The following CES5A variants were observed in gnomAD, a reference collection of about 807,000 sequenced individuals.
The protein encoded by CES5A is carboxylesterase 5A.
A neutral mutation model predicts 62.9 loss-of-function variants in CES5A; 67 were observed. The observed-to-expected ratio is 1.07, with a 90% CI of 0.88 to 1.31. The LOEUF is 1.31. Among genes scored for constraint, CES5A ranks in the 50% most tolerant of loss-of-function variants. The probability of loss-of-function intolerance (pLI) is 0.00; values close to 1 mark genes in which losing one functional copy is unlikely to be tolerated. For synonymous variants in CES5A, 296 were observed against 280.8 expected (o/e 1.05, Z -0.54); for missense variants, 748 against 708.5 (o/e 1.06, Z -0.63).
intron 1 of CES5A, among the ~76,000 whole-genome samples, chr16:55,885,556 T>G (rs546229674): frequency 2.6e-5 from 4 of 152,242 alleles, no homozygotes; most frequent in African/African-American, 9.6e-5. Context: ...TAGGCTACCA[T>G]GAAGACTAAA....
intron 1 of CES5A, among the ~76,000 whole-genome samples, chr16:55,952,987 A>G (rs1477315592): frequency 1.3e-5 from 2 of 152,186 alleles, no homozygotes; most frequent in Non-Finnish European, 2.9e-5. Flanking sequence ...ATTGTTTATG[A>G]GCAAAGATAC....
chr16:55,873,353 C>T (rs550642939), intron 2 of CES5A, among the ~76,000 whole-genome samples: 20 of 152,190 alleles, frequency 1.3e-4, no homozygotes, highest in Admixed American at 3.9e-4. Flanking sequence ...CATCAGGCAC[C>T]GTTTTGACAG....
Position 55,865,898 on chromosome 16 carries a change from A to G in CES5A, c.705+65T>C, listed in dbSNP as rs539442435. 9.1e-6 allele frequency: 14 copies of G among 1,544,144 alleles called. No homozygotes were observed. In the African/African-American group the frequency reaches 1.6e-4, roughly 18 times the overall value. On this transcript the variant is annotated intron_variant, in intron 5 of 12. Transcript: ENST00000290567. ...TGAAGGCAACAATCAAATGTTAGTG[A>G]CTCATCATCATTTTTGGAACCTCCG...
chr16:55,946,871 A>T (rs1463653082), intron 2 of CES5A, among the ~76,000 whole-genome samples: 2 of 152,194 alleles, frequency 1.3e-5, no homozygotes, highest in African/African-American at 4.8e-5. Context: ...GTTAGCCAAG[A>T]CGTGTTTCTC....
rs1235939265 is a variant in CES5A at position 55,846,396 on chromosome 16, T to A, written c.*55A>T. ...CTGAGCTCAGAAAGAAGCTAATGATTGCGGGAGAAATTATGGGAGGAGAAG... is the reference window on the plus strand; with the variant it reads ...CTGAGCTCAGAAAGAAGCTAATGATAGCGGGAGAAATTATGGGAGGAGAAG... On this transcript the variant is annotated 3_prime_UTR_variant, in exon 13 of 13. Coordinates refer to ENST00000290567, the MANE Select transcript of CES5A (RefSeq NM_001143685.2). 3.7e-6 allele frequency: 5 copies of A among 1,364,636 alleles called. No homozygotes were observed. In the African/African-American group the frequency reaches 7.3e-5, roughly 20 times the overall value. 84.5% of individuals were successfully genotyped at this position (1,364,636 alleles called of 1,614,324 possible). A position where few individuals can be genotyped will look rare whatever the true frequency, so the allele number is the denominator to read the frequency against.
At chr16:55,852,054 A>G (rs1420213) in intron 10 of CES5A, among the ~76,000 whole-genome samples, 107,355 of 151,456 alleles carry the variant, frequency 0.71, 38,105 homozygotes, top group East Asian at 0.77. Flanking sequence ...GGGGGAAGGA[A>G]GGGTGGGGAG....
At chr16:55,866,639 A>G (rs7500974) in intron 4 of CES5A, among the ~76,000 whole-genome samples, 50,729 of 138,540 alleles carry the variant, frequency 0.37, 11,753 homozygotes, top group African/African-American at 0.65. Flanking sequence ...TGACTAATAT[A>G]GTGAAACTCT....
intron 2 of CES5A, 109 bp from the exon 3 acceptor site, chr16:55,871,872 C>G: frequency 8.9e-7 from 1 of 1,124,670 alleles, no homozygotes; most frequent in Non-Finnish European, 1.3e-6. Flanking sequence ...TCTGCCTGAG[C>G]AGAAGAGGCA....
chr16:55,938,323 C>T (rs1424088725), intron 2 of CES5A, among the ~76,000 whole-genome samples: 2 of 152,268 alleles, frequency 1.3e-5, no homozygotes, highest in Middle Eastern at 3.4e-3. Context: ...GCCCATTTTT[C>T]ATGCTGAGAT....
chr16:55,930,881 C>T (rs1567359004), intron 2 of CES5A, among the ~76,000 whole-genome samples: 1 of 151,934 alleles, frequency 6.6e-6, no homozygotes, highest in African/African-American at 2.4e-5. Context: ...GGAGGAGATG[C>T]ATAAGAGCCA....
chr16:55,847,254 C>G (rs2071313354), intron 11 of CES5A, among the ~76,000 whole-genome samples: 1 of 150,488 alleles, frequency 6.6e-6, no homozygotes. Context: ...CTCTCTCTCC[C>G]TCTCTCTCCC....
rs2033013556 is a variant in CES5A, at chr16:55,846,553, G to C, written c.1626C>G (p.Thr542=). 4 of 1,614,034 alleles carry C rather than the reference G, an allele frequency of 2.5e-6. No individual in the cohort carries two copies. The highest frequency in any genetic ancestry group is 3.4e-6 in the Non-Finnish European group (4 of 1,180,016). The change falls in exon 13 of 13, where the codon ACC becomes ACG. Residue 542 remains threonine (T), a synonymous_variant. Transcript: ENST00000290567. ...CGGAGGCAGACAGGATCAGGGGGAT[G>C]GTGCTGGTCCAAAAATCCACCCGCG... The part of the protein sequence containing the change: ...KEPRVDFWTS[T]IPLILSASDM...
At chr16:55,945,093 T>C (rs1685326938) in intron 2 of CES5A, among the ~76,000 whole-genome samples, 1 of 152,228 alleles carries the variant, frequency 6.6e-6, no homozygotes, top group Non-Finnish European at 1.5e-5. Flanking sequence ...AATGAACTCA[T>C]ACTGGCCAGT....
chr16:55,909,619 A>T (rs1379106106), intron 1 of CES5A, among the ~76,000 whole-genome samples: 2 of 150,628 alleles, frequency 1.3e-5, no homozygotes, highest in African/African-American at 4.9e-5. Flanking sequence ...GAGGAACCTG[A>T]TCTCACCCTC....
In CES5A at chr16:55,846,597, C is replaced by T. The variant is rs556065376; in HGVS notation, c.1582G>A (p.Gly528Arg). Residue 528 changes from glycine to arginine, a missense_variant, in exon 13 of 13, where the codon GGA becomes AGA. Transcript: ENST00000290567. ...ACCCGCGGTTCTTTGAGTCTCTGTC[C>T]GAGGCTCATGTTCAAGTCCAGCTGG... ...YLQLDLNMSLGQRLKEPRVDF... is the reference protein window; with the variant it reads ...YLQLDLNMSLRQRLKEPRVDF... The T allele has an allele frequency of 5.6e-6, 9 of 1,613,958 alleles. No homozygotes were observed. The highest frequency in any genetic ancestry group is 4.0e-5 in the African/African-American group (3 of 74,896).
rs116713755 is a variant in CES5A at position 55,955,061 on chromosome 16, G to A, written c.42+783C>T. Among the ~76,000 whole-genome samples, 251 of 152,236 alleles carry A rather than the reference G, an allele frequency of 1.6e-3. 1 individual carries two copies. Among genetic ancestry groups the A allele is most frequent in the African/African-American group, 5.3e-3 (221 of 41,538 alleles). On this transcript the variant is annotated intron_variant, in intron 1 of 13. Transcript: ENST00000521992. ...CTGATGCATTGTCTAATACCAGTTA[G>A]ACATCCCTGATCCTCCTCTCTGAAT...
At chr16:55,868,638 T>C (rs1453759826) in intron 4 of CES5A, among the ~76,000 whole-genome samples, 4 of 152,222 alleles carry the variant, frequency 2.6e-5, no homozygotes, top group African/African-American at 9.6e-5. Context: ...CAGGAGCCTC[T>C]GTAAGGCAGG....
At chr16:55,955,952 C>G in exon 1 of CES5A, 1 of 1,469,496 alleles carries the variant, frequency 6.8e-7, no homozygotes, top group Non-Finnish European at 9.2e-7. Flanking sequence ...GAGCCCCAGT[C>G]CTCTTGCACA....
intron 10 of CES5A, among the ~76,000 whole-genome samples, chr16:55,852,119 T>C (rs187907926): frequency 1.3e-5 from 2 of 152,360 alleles, no homozygotes; most frequent in East Asian, 3.9e-4. Flanking sequence ...GTTCTGAAGA[T>C]GTATAGCGGT....
Sources: allele counts gnomAD v4.1 joint callset (sites outside exome capture counted in the v4.1 genomes callset), GRCh38; gene constraint gnomAD v4.1.1; transcripts MANE v1.5; gene names NCBI Gene and HGNC (gene_info 2026-07-23, HGNC 2026-07-21).